The following AGMO variants were observed in gnomAD, a reference collection of about 807,000 sequenced individuals.
The protein encoded by AGMO is glyceryl-ether monooxygenase.
Under a neutral mutation model 60.2 loss-of-function variants are expected in AGMO, and 75 were observed. The ratio of observed to expected loss-of-function variants is 1.25; its 90% CI spans 1.03 to 1.51. The LOEUF (loss-of-function observed/expected upper bound fraction) is 1.51, where lower values mean the gene tolerates loss of function less well. AGMO is among the 40% of genes most tolerant of loss of function. The pLI, the probability that AGMO is intolerant of heterozygous loss-of-function variation, is 0.00. For synonymous variants in AGMO, 261 were observed against 177.1 expected, an observed-to-expected ratio of 1.47 and a Z score of -3.76; for missense variants, 763 against 525.5, an observed-to-expected ratio of 1.45 and a Z score of -4.42.
intron 3 of AGMO, among the ~76,000 whole-genome samples, chr7:15,515,949 T>C (rs1224613222): frequency 6.6e-6 from 1 of 152,042 alleles, no homozygotes; most frequent in Non-Finnish European, 1.5e-5. Context: ...GAGGAATAGG[T>C]TCAAGAGATC....
At chr7:15,140,497 C>T in the AGMO span, among the ~76,000 whole-genome samples, 3 of 152,034 alleles carry the variant, frequency 2.0e-5, no homozygotes, top group Non-Finnish European at 4.4e-5. Context: ...TTTATTCTGT[C>T]TTCATAGGAC....
chr7:15,419,144 T>G (rs1352503319), intron 4 of AGMO, among the ~76,000 whole-genome samples: 2 of 151,916 alleles, frequency 1.3e-5, no homozygotes, highest in Non-Finnish European at 2.9e-5. Flanking sequence ...TAACTTGGTT[T>G]TTGTATGATT....
chr7:15,522,619 G>A (rs1305502875), intron 3 of AGMO, among the ~76,000 whole-genome samples: 1 of 152,110 alleles, frequency 6.6e-6, no homozygotes, highest in Non-Finnish European at 1.5e-5. Context: ...TTAATAACTG[G>A]TGTTGGAAAA....
chr7:15,373,956 GGCA>G lies in AGMO; in HGVS notation c.1075-7737_1075-7735del, dbSNP rs1019782837. Among the ~76,000 whole-genome samples the G allele has an allele frequency of 3.3e-4, 51 of 152,280 alleles. 2 individuals carry two copies. The highest frequency in any genetic ancestry group is 3.0e-3 in the Admixed American group (46 of 15,292). On this transcript the variant is annotated intron_variant, in intron 10 of 12. Coordinates refer to ENST00000342526, the MANE Select transcript of AGMO (RefSeq NM_001004320.2). Reference sequence around the variant, plus strand: ...AAACCTCTACAATCTCTGCTGTGAAGGCAGCAGATTGGCTTTCTTGGCATACTT... The same window carrying G: ...AAACCTCTACAATCTCTGCTGTGAAGGCAGATTGGCTTTCTTGGCATACTT...
chr7:15,366,395 T>C (rs990756484), intron 10 of AGMO, among the ~76,000 whole-genome samples, 173 bp from the exon 11 acceptor site: 1 of 152,184 alleles, frequency 6.6e-6, no homozygotes, highest in Admixed American at 6.5e-5. Flanking sequence ...TTAATGTCTT[T>C]CAGTTCCTTG....
intron 5 of AGMO, among the ~76,000 whole-genome samples, chr7:15,407,800 GAAT>G (rs1458224456): frequency 6.6e-6 from 1 of 151,742 alleles, no homozygotes; most frequent in Non-Finnish European, 1.5e-5. Context: ...GGAATTCAGA[GAAT>G]AATGAGAGAG....
chr7:15,407,094 A>C (rs28424218), intron 5 of AGMO, among the ~76,000 whole-genome samples: 1 of 146,554 alleles, frequency 6.8e-6, no homozygotes, highest in African/African-American at 2.5e-5. Context: ...ATACACATAT[A>C]TACATATATG....
chr7:15,135,296 C>T, the AGMO span, among the ~76,000 whole-genome samples: 5 of 151,886 alleles, frequency 3.3e-5, no homozygotes, highest in Non-Finnish European at 7.4e-5. Context: ...AAATGGAACC[C>T]GGGAAGCTAT....
rs373909200 is a variant in AGMO at position 15,391,019 on chromosome 7, A to G, written c.677-114T>C. 6.6e-4 allele frequency: 423 copies of G among 639,082 alleles called. 2 individuals carry two copies. Among genetic ancestry groups the G allele is most frequent in the African/African-American group, 4.9e-3 (263 of 54,022 alleles). 39.6% of individuals were successfully genotyped at this position (639,082 alleles called of 1,614,324 possible). On this transcript the variant is annotated intron_variant, in intron 6 of 12. Coordinates refer to ENST00000342526, the MANE Select transcript of AGMO (RefSeq NM_001004320.2). ...AAAATTCAGATTTAAACAGGGTACA[A>G]TTTCCCTGGGAATGTCTTCTCATTT... is the stretch of plus-strand genomic sequence containing the variant.
At chr7:15,141,455 C>T in the AGMO span, among the ~76,000 whole-genome samples, 2 of 151,854 alleles carry the variant, frequency 1.3e-5, no homozygotes, top group South Asian at 2.1e-4. Context: ...TGGTGGCGGG[C>T]GCCTGTAGTC....
chr7:15,135,070 T>C, the AGMO span, among the ~76,000 whole-genome samples: 14 of 151,108 alleles, frequency 9.3e-5, no homozygotes, highest in Non-Finnish European at 1.9e-4. Flanking sequence ...ATTAGATATA[T>C]AATATATATA....
intron 12 of AGMO, among the ~76,000 whole-genome samples, chr7:15,364,296 A>C (rs1411868113): frequency 6.6e-6 from 1 of 151,986 alleles, no homozygotes; most frequent in Non-Finnish European, 1.5e-5. Flanking sequence ...AGATATATTT[A>C]CATACATACA....
chr7:15,381,737 C>A (rs567646629), intron 10 of AGMO, among the ~76,000 whole-genome samples: 1 of 152,236 alleles, frequency 6.6e-6, no homozygotes, highest in South Asian at 2.1e-4. Context: ...TTCACTGAAA[C>A]ACTATTCACA....
intron 2 of AGMO, among the ~76,000 whole-genome samples, chr7:15,551,810 A>G (rs939744649): frequency 1.3e-5 from 2 of 151,980 alleles, no homozygotes; most frequent in Admixed American, 6.5e-5. Context: ...CAGAATTGGA[A>G]AAAAACTACT....
intron 12 of AGMO, among the ~76,000 whole-genome samples, chr7:15,245,656 G>A (rs1478752065): frequency 6.6e-6 from 1 of 151,890 alleles, no homozygotes; most frequent in Non-Finnish European, 1.5e-5. Flanking sequence ...CTAAAGTTAT[G>A]AACAATTTTC....
intron 3 of AGMO, among the ~76,000 whole-genome samples, chr7:15,520,574 C>T (rs757176400): frequency 9.9e-5 from 15 of 152,036 alleles, no homozygotes; most frequent in Non-Finnish European, 1.5e-4. Flanking sequence ...ACATGGAAAC[C>T]GAACAAGCTG....
chr7:15,543,142 T>A (rs73679649), intron 3 of AGMO, among the ~76,000 whole-genome samples: 5,078 of 152,154 alleles, frequency 0.033, 262 homozygotes, highest in African/African-American at 0.11. Context: ...GGTTCCTTCC[T>A]CTTCCTTCCT....
intron 3 of AGMO, among the ~76,000 whole-genome samples, chr7:15,515,665 A>C (rs1783790774): frequency 6.6e-6 from 1 of 152,254 alleles, no homozygotes; most frequent in African/African-American, 2.4e-5. Flanking sequence ...TCTCATGTAG[A>C]AAGACTGAAC....
intron 3 of AGMO, among the ~76,000 whole-genome samples, chr7:15,471,331 T>C (rs996827996): frequency 6.6e-6 from 1 of 151,916 alleles, no homozygotes; most frequent in Non-Finnish European, 1.5e-5. Context: ...TATCTGAACA[T>C]GAGGTTTAAT....
Sources: allele counts gnomAD v4.1 joint callset (sites outside exome capture counted in the v4.1 genomes callset), GRCh38; gene constraint gnomAD v4.1.1; transcripts MANE v1.5; gene names NCBI Gene and HGNC (gene_info 2026-07-23, HGNC 2026-07-21).